ARMH3: variants seen among roughly 807,000 people sequenced by gnomAD.
ARMH3 encodes armadillo-like helical domain-containing protein 3.
Under a neutral mutation model 99.1 loss-of-function variants are expected in ARMH3, and 60 were observed. The observed-to-expected ratio is 0.61, with a 90% confidence interval of 0.49 to 0.75. The LOEUF (loss-of-function observed/expected upper bound fraction) is 0.75, where lower values mean the gene tolerates loss of function less well. Among genes scored for constraint, ARMH3 ranks in the 30% least tolerant of loss-of-function variants. The pLI, the probability that ARMH3 is intolerant of heterozygous loss-of-function variation, is 0.00. For missense variants in ARMH3, 679 were observed against 843.1 expected, an observed-to-expected ratio of 0.81 and a Z score of 2.41; for synonymous variants, 285 against 292.8, an observed-to-expected ratio of 0.97 and a Z score of 0.27.
chr10:101,875,420 A>G (rs1233979746), intron 24 of ARMH3, among the ~76,000 whole-genome samples: 1 of 152,240 alleles, frequency 6.6e-6, no homozygotes, highest in Non-Finnish European at 1.5e-5. Context: ...TCCAAAAGGT[A>G]GACACAAATC....
chr10:102,008,516 T>G (rs1564844082), intron 13 of ARMH3, among the ~76,000 whole-genome samples: 1 of 151,992 alleles, frequency 6.6e-6, no homozygotes, highest in Non-Finnish European at 1.5e-5. Context: ...TATTTTTGTT[T>G]GTTTTTTTAT....
intron 19 of ARMH3, among the ~76,000 whole-genome samples, chr10:101,976,335 C>T (rs1296522199): frequency 6.7e-6 from 1 of 148,338 alleles, no homozygotes; most frequent in Non-Finnish European, 1.5e-5. Context: ...GCAAGACTGT[C>T]TCAAAAAAAA....
In ARMH3 at chr10:102,011,747, A is replaced by G; in HGVS notation, c.807T>C (p.Gly269=). 1 of 1,610,276 alleles carries G rather than the reference A, an allele frequency of 6.2e-7. No individual in the cohort carries two copies. The highest frequency in any genetic ancestry group is 1.1e-5 in the South Asian group (1 of 90,256). Residue 269 remains glycine (G), a synonymous_variant, in exon 11 of 26, where the codon GGT becomes GGC. Coordinates refer to ENST00000370033, the MANE Select transcript of ARMH3 (RefSeq NM_024541.3). ...CCATATTTGTTAAAGCAGAGAAAAA[A>G]CCACTTTGGTGTTCTTCTTCCTTGT... ...YKDKEEEHQS[G]FFSALTNMVG... is the part of the protein sequence containing the mutation.
intron 23 of ARMH3, among the ~76,000 whole-genome samples, chr10:101,914,532 T>G (rs1311562284): frequency 6.6e-6 from 1 of 151,260 alleles, no homozygotes; most frequent in Non-Finnish European, 1.5e-5. Flanking sequence ...CATAAACCGT[T>G]ATCTCACAGC....
chr10:101,961,957 G>A (rs1027826745), intron 20 of ARMH3, among the ~76,000 whole-genome samples: 2 of 152,220 alleles, frequency 1.3e-5, no homozygotes, highest in Admixed American at 6.5e-5. Flanking sequence ...TTAATCCTTT[G>A]CCTTATCATG....
chr10:101,866,332 T>C (rs758694928), intron 24 of ARMH3, among the ~76,000 whole-genome samples: 1 of 151,946 alleles, frequency 6.6e-6, no homozygotes, highest in Non-Finnish European at 1.5e-5. Flanking sequence ...CAAAGTGCCA[T>C]GAGAGAGACT....
At chr10:101,964,874 A>C (rs912712545) in intron 20 of ARMH3, among the ~76,000 whole-genome samples, 1 of 151,614 alleles carries the variant, frequency 6.6e-6, no homozygotes, top group African/African-American at 2.4e-5. Flanking sequence ...TTAGCCTGGC[A>C]TGGTGGTACA....
intron 22 of ARMH3, among the ~76,000 whole-genome samples, chr10:101,951,693 C>G (rs1211609297): frequency 6.6e-6 from 1 of 151,840 alleles, no homozygotes; most frequent in Non-Finnish European, 1.5e-5. Flanking sequence ...ATGGTGAAAC[C>G]CCATCTCTAC....
chr10:102,052,698 T>A (rs1430621638), intron 1 of ARMH3, among the ~76,000 whole-genome samples: 2 of 152,194 alleles, frequency 1.3e-5, no homozygotes, highest in Non-Finnish European at 2.9e-5. Context: ...AGCTCACTAT[T>A]AAGTGGAGGA....
In ARMH3 at chr10:102,039,371, T is replaced by C. The variant is rs374413790; in HGVS notation, c.102+642A>G. Among the ~76,000 whole-genome samples, 6 of 152,064 alleles carry C rather than the reference T, an allele frequency of 3.9e-5. No homozygotes were observed. In the East Asian group the frequency reaches 7.7e-4, roughly 20 times the overall value. ...TGTTGGTCAGGCTGGTCTCGAACTC[T>C]TGACCTTGTGATCCACCCACCTCAC... is the stretch of plus-strand genomic sequence containing the variant. On this transcript the variant is annotated intron_variant, in intron 2 of 25. Coordinates refer to ENST00000370033, the MANE Select transcript of ARMH3 (RefSeq NM_024541.3).
intron 23 of ARMH3, among the ~76,000 whole-genome samples, chr10:101,924,591 G>A (rs758305660): frequency 2.3e-4 from 35 of 151,274 alleles, no homozygotes; most frequent in Admixed American, 9.2e-4. Context: ...TCCTGACCTC[G>A]TGATCTGCCC....
chr10:101,944,415 G>A (rs1844425221), intron 22 of ARMH3, among the ~76,000 whole-genome samples: 1 of 147,036 alleles, frequency 6.8e-6, no homozygotes, highest in Admixed American at 6.8e-5. Context: ...AACTAAAAAT[G>A]TACAGATTCA....
At chr10:102,008,868 C>T (rs891657698) in intron 13 of ARMH3, among the ~76,000 whole-genome samples, 1 of 151,962 alleles carries the variant, frequency 6.6e-6, no homozygotes, top group African/African-American at 2.4e-5. Context: ...CAGGGCCCAG[C>T]GCTCAGTATT....
chr10:101,867,565 G>C (rs1000800982), intron 24 of ARMH3, among the ~76,000 whole-genome samples: 1 of 152,174 alleles, frequency 6.6e-6, no homozygotes, highest in African/African-American at 2.4e-5. Flanking sequence ...AGGTGCAGTG[G>C]CTCACACCTG....
At chr10:101,994,428 A>C (rs7901209) in intron 16 of ARMH3, among the ~76,000 whole-genome samples, 83,979 of 151,624 alleles carry the variant, frequency 0.55, 23,456 homozygotes, top group East Asian at 0.75. Flanking sequence ...TTCATGTGGA[A>C]TATCTTCACC....
chr10:101,852,073 A>G (rs1356233969), intron 24 of ARMH3, among the ~76,000 whole-genome samples: 1 of 152,224 alleles, frequency 6.6e-6, no homozygotes, highest in Non-Finnish European at 1.5e-5. Context: ...GGCAGAATAG[A>G]GTAATACATG....
intron 5 of ARMH3, among the ~76,000 whole-genome samples, chr10:102,026,610 A>G (rs2067006771): frequency 6.6e-6 from 1 of 152,182 alleles, no homozygotes. Context: ...GGTTGGAATA[A>G]AAGTAGTTTG....
chr10:102,049,582 CTT>C (rs528823071), intron 1 of ARMH3, among the ~76,000 whole-genome samples: 62 of 137,236 alleles, frequency 4.5e-4, no homozygotes, highest in Non-Finnish European at 3.8e-4. Flanking sequence ...GGGCCTGCAA[CTT>C]TTTTTTTTTT....
At chr10:102,044,276 C>T in intron 1 of ARMH3, among the ~76,000 whole-genome samples, 1 of 151,660 alleles carries the variant, frequency 6.6e-6, no homozygotes, top group East Asian at 1.9e-4. Flanking sequence ...GGAGTTTCAC[C>T]ATGTTAGCCA....
Sources: gnomAD v4.1 joint callset for allele counts (sites outside exome capture counted in the v4.1 genomes callset) on GRCh38, gnomAD v4.1.1 for gene constraint, MANE v1.5 for transcripts, NCBI Gene and HGNC (gene_info 2026-07-23, HGNC 2026-07-21) for gene names.